Variants in ARHGAP6 observed in about 807,000 individuals in gnomAD.
The protein encoded by ARHGAP6 is Rho GTPase activating protein 6, also known as rho GTPase-activating protein 6.
Under a neutral mutation model 55.7 loss-of-function variants are expected in ARHGAP6, and 16 were observed. The ratio of observed to expected loss-of-function variants is 0.29; its 90% CI spans 0.19 to 0.44. The LOEUF (loss-of-function observed/expected upper bound fraction) is 0.44, where lower values mean the gene tolerates loss of function less well. Ranked by LOEUF, ARHGAP6 falls within the 20% of genes least tolerant of loss-of-function variation. The pLI is 1.00. For missense variants in ARHGAP6, 698 were observed against 808.9 expected (o/e 0.86, Z 1.66); for synonymous variants, 382 against 360.9 (o/e 1.06, Z -0.66).
chrX:11,256,171 C>T (rs772781486), intron 1 of ARHGAP6, among the ~76,000 whole-genome samples: 1 of 112,317 alleles, frequency 8.9e-6, no homozygotes, highest in East Asian at 2.8e-4. Context: ...GGGTGGATCA[C>T]CTGAGGTCAG....
At chrX:11,561,784 T>A (rs138608960) in intron 1 of ARHGAP6, among the ~76,000 whole-genome samples, 140 of 112,328 alleles carry the variant, frequency 1.2e-3, no homozygotes, top group African/African-American at 4.1e-3. Context: ...CTGTTTTTCA[T>A]GTCAAAGAAG....
In ARHGAP6 at chrX:11,664,351, C is replaced by G; in HGVS notation, c.478G>C (p.Gly160Arg). Reference sequence around the variant, plus strand: ...GCGAAGATGCCATTGGGGCCTCCCCCGGATGAACAGAGGATGCTGGAAGCG... The same window carrying G: ...GCGAAGATGCCATTGGGGCCTCCCCGGGATGAACAGAGGATGCTGGAAGCG... ...RSASSILCSS[G>R]GGPNGIFASP... Residue 160 changes from glycine to arginine, a missense_variant, in exon 1 of 13, where the codon GGG becomes CGG. Physicochemically the swap from Gly to Arg is moderately radical, Grantham distance 125. Transcript: ENST00000337414. The G allele has an allele frequency of 8.2e-7, 1 of 1,212,161 alleles. No homozygotes were observed. The highest frequency in any genetic ancestry group is 1.1e-6 in the Non-Finnish European group (1 of 895,557).
chrX:11,571,696 G>A (rs1462476871), intron 1 of ARHGAP6, among the ~76,000 whole-genome samples: 1 of 84,769 alleles, frequency 1.2e-5, no homozygotes, highest in Non-Finnish European at 2.3e-5. Context: ...AACTTAGGGA[G>A]ACCTTGTATA....
chrX:11,246,346 G>T (rs1049938452), intron 2 of ARHGAP6, among the ~76,000 whole-genome samples: 11 of 111,719 alleles, frequency 9.8e-5, no homozygotes, highest in Non-Finnish European at 1.7e-4. Context: ...GCTGGAAACT[G>T]AGCATGAAGT....
At chrX:11,278,315 G>A (rs747243762) in intron 1 of ARHGAP6, among the ~76,000 whole-genome samples, 3 of 111,494 alleles carry the variant, frequency 2.7e-5, no homozygotes, top group South Asian at 7.6e-4. Context: ...AACCACACAG[G>A]CCCTTAAAAT....
intron 1 of ARHGAP6, among the ~76,000 whole-genome samples, chrX:11,441,632 C>T (rs2050039903): frequency 8.9e-6 from 1 of 111,801 alleles, no homozygotes; most frequent in African/African-American, 3.3e-5. Flanking sequence ...TGGGAAGCAG[C>T]GGTAACCCAA....
chrX:11,438,270 C>T (rs981676015), intron 1 of ARHGAP6, among the ~76,000 whole-genome samples: 12 of 112,486 alleles, frequency 1.1e-4, no homozygotes, highest in Non-Finnish European at 1.5e-4. Context: ...ATGCCAAAAG[C>T]TGCAAACCCA....
intron 1 of ARHGAP6, among the ~76,000 whole-genome samples, chrX:11,412,240 C>T (rs1569334702): frequency 1.8e-5 from 2 of 112,021 alleles, no homozygotes; most frequent in Middle Eastern, 4.6e-3. Context: ...ATAGACAGCA[C>T]TTTAACACCA....
chrX:11,657,752 C>A (rs746568344), intron 1 of ARHGAP6, among the ~76,000 whole-genome samples: 1 of 109,372 alleles, frequency 9.1e-6, no homozygotes, highest in South Asian at 4.0e-4. Flanking sequence ...ATAGGAGGGA[C>A]AATGACCTGA....
chrX:11,431,526 G>A (rs2049940437), intron 1 of ARHGAP6, among the ~76,000 whole-genome samples: 1 of 111,670 alleles, frequency 9.0e-6, no homozygotes, highest in African/African-American at 3.3e-5. Flanking sequence ...GCCCATCTGA[G>A]TACTAAAAAT....
At chrX:11,321,420 T>C (rs966403933) in intron 1 of ARHGAP6, among the ~76,000 whole-genome samples, 9 of 111,821 alleles carry the variant, frequency 8.0e-5, no homozygotes, top group African/African-American at 2.9e-4. Flanking sequence ...AAGTACCTTT[T>C]CTAAAAATAG....
intron 2 of ARHGAP6, among the ~76,000 whole-genome samples, chrX:11,200,717 T>A (rs1357024645): frequency 8.9e-6 from 1 of 112,503 alleles, no homozygotes; most frequent in Non-Finnish European, 1.9e-5. Flanking sequence ...GGGCATGCCC[T>A]GAGGACTTGT....
intron 8 of ARHGAP6, among the ~76,000 whole-genome samples, chrX:11,172,002 G>A (rs898563306): frequency 2.2e-4 from 25 of 111,834 alleles, no homozygotes; most frequent in African/African-American, 6.8e-4. Context: ...TGGGAACTGC[G>A]TCTGCTTGGT....
chrX:11,253,209 A>T, intron 2 of ARHGAP6, among the ~76,000 whole-genome samples: 1 of 110,857 alleles, frequency 9.0e-6, no homozygotes, highest in Non-Finnish European at 1.9e-5. Context: ...AGCTGCAAAA[A>T]CCAAAAGTAT....
chrX:11,216,645 A>G (rs1208201167), intron 2 of ARHGAP6, among the ~76,000 whole-genome samples: 1 of 112,450 alleles, frequency 8.9e-6, no homozygotes, highest in African/African-American at 3.2e-5. Flanking sequence ...ACCATTTCAC[A>G]TAAGACATTT....
At chrX:11,443,694 C>T (rs1037995911) in intron 1 of ARHGAP6, among the ~76,000 whole-genome samples, 5 of 112,059 alleles carry the variant, frequency 4.5e-5, no homozygotes, top group Non-Finnish European at 9.4e-5. Context: ...TTTGGGAGGC[C>T]GAAGTGGGTG....
chrX:11,151,537 C>G (rs1024905327), intron 10 of ARHGAP6, among the ~76,000 whole-genome samples: 1 of 111,646 alleles, frequency 9.0e-6, no homozygotes, highest in South Asian at 3.7e-4. Context: ...TCTAATCCCC[C>G]TCTGGCATCC....
At chrX:11,354,922 T>C (rs1159341918) in intron 1 of ARHGAP6, among the ~76,000 whole-genome samples, 1 of 111,073 alleles carries the variant, frequency 9.0e-6, no homozygotes, top group Non-Finnish European at 1.9e-5. Context: ...GAAGAGAGAA[T>C]TGGGGTTTTA....
At chrX:11,307,788 G>A (rs190113911) in intron 1 of ARHGAP6, among the ~76,000 whole-genome samples, 8 of 111,210 alleles carry the variant, frequency 7.2e-5, no homozygotes, top group Non-Finnish European at 3.8e-5. Flanking sequence ...TTTTTTCCCC[G>A]TTCTGGTAGT....
Sources: gnomAD v4.1 joint callset for allele counts (sites outside exome capture counted in the v4.1 genomes callset) on GRCh38, gnomAD v4.1.1 for gene constraint, MANE v1.5 for transcripts, NCBI Gene and HGNC (gene_info 2026-07-23, HGNC 2026-07-21) for gene names.